The following RBPMS variants were observed in gnomAD, a reference collection of about 807,000 sequenced individuals.
RBPMS encodes RNA binding protein, mRNA processing factor.
In RBPMS, 7 loss-of-function variants were observed where a neutral mutation model predicts 26.8. That is an observed-to-expected ratio of 0.26 (90% CI 0.15 to 0.49). The LOEUF (loss-of-function observed/expected upper bound fraction) is 0.49, where lower values mean the gene tolerates loss of function less well. Ranked by LOEUF, RBPMS falls within the 20% of genes least tolerant of loss-of-function variation. The pLI is 0.98. For missense variants in RBPMS, 186 were observed against 250.0 expected (o/e 0.74, Z 1.73); for synonymous variants, 96 against 93.3 (o/e 1.03, Z -0.17).
intron 5 of RBPMS, among the ~76,000 whole-genome samples, chr8:30,541,213 TGCATCTGTTTCCTCATCTAAAACGAAAAG>T (rs1443384689): frequency 6.6e-6 from 1 of 152,184 alleles, no homozygotes; most frequent in East Asian, 1.9e-4. Context: ...TTCACCTTTC[TGCATCTGTTTCCTCATCTAAAACGAAAAG>T]GCAGAAGATG....
chr8:30,565,918 G>T (rs1277778369), intron 7 of RBPMS: 1 of 152,352 alleles, frequency 6.6e-6, no homozygotes, highest in African/African-American at 2.4e-5. Context: ...CGTGGGTGTA[G>T]AGTCCTGCTT....
Position 30,504,274 on chromosome 8 carries a change from CT to C in RBPMS, c.247-11del. On this transcript the variant is annotated splice_polypyrimidine_tract_variant and intron_variant, in intron 4 of 8. Transcript: ENST00000397323. ...AATGAAAACATCTTCCATTTGTTCT[CT>C]GTTTCCAAAGGGCATCCGCTTCGAT... 1 of 1,613,928 alleles carries C rather than the reference CT, an allele frequency of 6.2e-7. No homozygotes were observed. Among genetic ancestry groups the C allele is most frequent in the Non-Finnish European group, 8.5e-7 (1 of 1,179,808 alleles).
At position 30,511,483 on chromosome 8, in the gene RBPMS, AAAAATATATATATATATAT is replaced by A. The variant is rs1472803848; in HGVS notation, c.397+7049_397+7067del. ...TAAAACAAAAAAAGAAAAAAAAAAAAAAAATATATATATATATATATATATATATATATATATATATATT... is the reference window on the plus strand; with the variant it reads ...TAAAACAAAAAAAGAAAAAAAAAAAAATATATATATATATATATATATATT... On this transcript the variant is annotated intron_variant, in intron 5 of 8. Transcript: ENST00000397323. Among the ~76,000 whole-genome samples the A allele has an allele frequency of 2.8e-3, 13 of 4,608 alleles. 1 individual carries two copies. The highest frequency in any genetic ancestry group is 5.0e-3 in the African/African-American group (13 of 2,612). 3.0% of individuals were successfully genotyped at this position (4,608 alleles called of 152,430 possible).
intron 1 of RBPMS, among the ~76,000 whole-genome samples, chr8:30,434,183 C>T (rs550440005): frequency 3.3e-5 from 5 of 151,892 alleles, no homozygotes; most frequent in Admixed American, 3.3e-4. Context: ...CTTTATCCTT[C>T]TAAGGTATAA....
At chr8:30,508,013 G>T (rs1201028718) in intron 5 of RBPMS, among the ~76,000 whole-genome samples, 1 of 152,196 alleles carries the variant, frequency 6.6e-6, no homozygotes, top group East Asian at 1.9e-4. Flanking sequence ...ATGATGAAGT[G>T]TCTGTTCCTA....
chr8:30,503,665 A>C (rs1368953613), intron 4 of RBPMS, among the ~76,000 whole-genome samples: 1 of 151,986 alleles, frequency 6.6e-6, no homozygotes, highest in Non-Finnish European at 1.5e-5. Flanking sequence ...CTAAATGGCA[A>C]CTGTGTTCTT....
chr8:30,542,443 C>T (rs920626979), intron 5 of RBPMS, among the ~76,000 whole-genome samples: 6 of 152,212 alleles, frequency 3.9e-5, no homozygotes, highest in African/African-American at 1.4e-4. Flanking sequence ...GAAGGACCTA[C>T]TGATCAGGTA....
intron 1 of RBPMS, among the ~76,000 whole-genome samples, chr8:30,391,687 G>T (rs2150546781): frequency 6.6e-6 from 1 of 152,210 alleles, no homozygotes; most frequent in East Asian, 1.9e-4. Flanking sequence ...GGAGAATATT[G>T]TAAACAATTT....
intron 1 of RBPMS, among the ~76,000 whole-genome samples, chr8:30,422,526 C>T (rs796654658): frequency 1.2e-4 from 18 of 152,276 alleles, no homozygotes; most frequent in African/African-American, 3.9e-4. Context: ...GCCTCAGCCT[C>T]CCAAGGTGCT....
intron 1 of RBPMS, among the ~76,000 whole-genome samples, chr8:30,429,283 T>A (rs1407879779): frequency 1.3e-5 from 2 of 152,170 alleles, no homozygotes; most frequent in Admixed American, 6.5e-5. Flanking sequence ...AGAGGGGACC[T>A]TCTATTCCCT....
At chr8:30,392,886 C>T (rs1028011369) in intron 1 of RBPMS, among the ~76,000 whole-genome samples, 2 of 152,142 alleles carry the variant, frequency 1.3e-5, no homozygotes, top group African/African-American at 4.8e-5. Context: ...GAGGAGAGGT[C>T]TGATCTTGAA....
chr8:30,418,024 G>T (rs1810304865), intron 1 of RBPMS, among the ~76,000 whole-genome samples: 1 of 152,112 alleles, frequency 6.6e-6, no homozygotes, highest in Non-Finnish European at 1.5e-5. Flanking sequence ...AACAACTTAT[G>T]TGCTGTTTAA....
chr8:30,545,543 C>T (rs1825800056), intron 6 of RBPMS: 1 of 686,956 alleles, frequency 1.5e-6, no homozygotes, highest in Non-Finnish European at 1.8e-6. Flanking sequence ...AATTATTAGG[C>T]TGGACAGGCA....
At chr8:30,491,112 GACATCTCCCCCAACCCT>G (rs1554539099) in intron 4 of RBPMS, among the ~76,000 whole-genome samples, 1 of 152,094 alleles carries the variant, frequency 6.6e-6, no homozygotes, top group Non-Finnish European at 1.5e-5. Flanking sequence ...ATTCATCAGT[GACATCTCCCCCAACCCT>G]ATTGATTAAT....
chr8:30,555,857 A>G, intron 6 of RBPMS: 1 of 984,692 alleles, frequency 1.0e-6, no homozygotes. Flanking sequence ...GCTAAGAGAG[A>G]ACCCTCTCCT....
chr8:30,536,126 CTCT>C (rs915155324), intron 5 of RBPMS, among the ~76,000 whole-genome samples: 5 of 127,360 alleles, frequency 3.9e-5, no homozygotes, highest in South Asian at 3.0e-4. Flanking sequence ...GATCATCTCT[CTCT>C]TTTTTTTTTT....
In RBPMS at chr8:30,385,035, G is replaced by A; in HGVS notation, c.-58G>A. On this transcript the variant is annotated 5_prime_UTR_variant, in exon 1 of 9. Coordinates refer to ENST00000397323, the MANE Select transcript of RBPMS (RefSeq NM_001008710.3). ...GGGGAAGGCTCCAGTGGGCTAGCGC[G>A]CCCTCGCCCAGCCCCGCGCCCCAGC... 3.6e-6 allele frequency: 5 copies of A among 1,385,960 alleles called. No homozygotes were observed. The highest frequency in any genetic ancestry group is 2.6e-5 in the Admixed American group (1 of 38,642). The allele number at this position is 1,385,960 out of a possible 1,614,324, so 85.9% of individuals were successfully genotyped here.
chr8:30,531,496 A>G (rs542023336), intron 5 of RBPMS, among the ~76,000 whole-genome samples: 3 of 152,314 alleles, frequency 2.0e-5, no homozygotes, highest in South Asian at 2.1e-4. Flanking sequence ...ATTACTTACT[A>G]TTCCCCAGAA....
In RBPMS at chr8:30,558,597, C is replaced by T. The variant is rs1241663709; in HGVS notation, c.529-290C>T. On this transcript the variant is annotated intron_variant, in intron 6 of 8. Coordinates refer to ENST00000397323, the MANE Select transcript of RBPMS (RefSeq NM_001008710.3). ...GCCGGATCTTAGCCTCAAATGGCTG[C>T]TAACCTTTAAAAGGAGGATGAGAGC... The T allele has an allele frequency of 7.7e-6, 4 of 519,534 alleles. No homozygotes were observed. The East Asian group carries it at 1.0e-4, about 13-fold the overall frequency. The allele number at this position is 519,534 out of a possible 1,614,324, so 32.2% of individuals were successfully genotyped here.
Sources: gnomAD v4.1 joint callset for allele counts (sites outside exome capture counted in the v4.1 genomes callset) on GRCh38, gnomAD v4.1.1 for gene constraint, MANE v1.5 for transcripts, NCBI Gene and HGNC (gene_info 2026-07-23, HGNC 2026-07-21) for gene names.